The following GLIS3 variants were observed in gnomAD, a reference collection of about 807,000 sequenced individuals.
GLIS3 encodes the protein zinc finger protein GLIS3.
A neutral mutation model predicts 78.6 loss-of-function variants in GLIS3; 53 were observed. The observed-to-expected ratio is 0.67, with a 90% confidence interval of 0.54 to 0.85. The LOEUF (loss-of-function observed/expected upper bound fraction) is 0.85. Ranked by LOEUF, GLIS3 falls within the 40% of genes least tolerant of loss-of-function variation. The probability of loss-of-function intolerance (pLI) is 0.00; values close to 1 mark genes in which losing one functional copy is unlikely to be tolerated. For synonymous variants in GLIS3, 684 were observed against 509.9 expected (o/e 1.34, Z -4.60); for missense variants, 1,703 against 1,231.1 (o/e 1.38, Z -5.74).
chr9:4,422,530 T>C, the GLIS3 span, among the ~76,000 whole-genome samples: 1 of 152,308 alleles, frequency 6.6e-6, no homozygotes, highest in Admixed American at 6.5e-5. Flanking sequence ...CTGGAAAATA[T>C]CACATTCTGC....
the GLIS3 span, among the ~76,000 whole-genome samples, chr9:4,450,864 A>T: frequency 6.6e-6 from 1 of 152,210 alleles, no homozygotes; most frequent in Admixed American, 6.5e-5. Context: ...AAACATGGAA[A>T]CAAACAACTG....
intron 4 of GLIS3, among the ~76,000 whole-genome samples, chr9:3,996,645 TAACC>T: frequency 6.6e-6 from 1 of 152,160 alleles, no homozygotes; most frequent in East Asian, 1.9e-4. Flanking sequence ...ACTGCAAAAC[TAACC>T]TGAAATAGTA....
chr9:4,106,365 C>G (rs895460486), intron 4 of GLIS3, among the ~76,000 whole-genome samples: 17 of 152,032 alleles, frequency 1.1e-4, no homozygotes, highest in African/African-American at 3.6e-4. Context: ...CTTCATTTTC[C>G]TAAAACACTT....
At chr9:4,059,176 A>T (rs1437182673) in intron 4 of GLIS3, among the ~76,000 whole-genome samples, 1 of 152,144 alleles carries the variant, frequency 6.6e-6, no homozygotes, top group Non-Finnish European at 1.5e-5. Flanking sequence ...ACCTTTTGGC[A>T]AGTCTTGAGA....
the GLIS3 span, among the ~76,000 whole-genome samples, chr9:4,468,285 T>C: frequency 3.9e-4 from 60 of 152,198 alleles, no homozygotes; most frequent in Admixed American, 3.9e-3. Context: ...ATACAGAGAA[T>C]GCCACAAAGA....
intron 4 of GLIS3, among the ~76,000 whole-genome samples, chr9:3,993,462 A>G (rs1325763802): frequency 2.6e-5 from 4 of 152,202 alleles, no homozygotes; most frequent in Non-Finnish European, 5.9e-5. Context: ...CATATAGACA[A>G]TTTAGAAATA....
intron 2 of GLIS3, among the ~76,000 whole-genome samples, chr9:4,283,051 C>T (rs1191537850): frequency 1.3e-5 from 2 of 151,196 alleles, no homozygotes; most frequent in Non-Finnish European, 2.9e-5. Context: ...AGAATAAGTC[C>T]CAGACAACCC....
intron 6 of GLIS3, among the ~76,000 whole-genome samples, chr9:3,926,207 G>A (rs1364116990): frequency 8.6e-5 from 13 of 151,502 alleles, no homozygotes; most frequent in Non-Finnish European, 1.9e-4. Context: ...GTACAGTATT[G>A]CGACTAAAGC....
the GLIS3 span, among the ~76,000 whole-genome samples, chr9:4,394,500 C>T: frequency 3.3e-5 from 5 of 151,992 alleles, no homozygotes; most frequent in Non-Finnish European, 5.9e-5. Context: ...ACAACAAGCA[C>T]GGGAAACCTG....
chr9:4,465,367 G>T, the GLIS3 span, among the ~76,000 whole-genome samples: 1 of 152,214 alleles, frequency 6.6e-6, no homozygotes, highest in Non-Finnish European at 1.5e-5. Flanking sequence ...GGCCAACGTG[G>T]TGAAACCACA....
intron 4 of GLIS3, among the ~76,000 whole-genome samples, chr9:4,057,592 A>G (rs954462552): frequency 1.3e-5 from 2 of 152,186 alleles, no homozygotes; most frequent in African/African-American, 4.8e-5. Context: ...AGCACAATGT[A>G]AAGTCACATT....
At chr9:4,470,911 G>A in the GLIS3 span, among the ~76,000 whole-genome samples, 4 of 152,014 alleles carry the variant, frequency 2.6e-5, no homozygotes, top group Non-Finnish European at 4.4e-5. Context: ...CAAAGTCTCA[G>A]GATACAAAAA....
intron 4 of GLIS3, among the ~76,000 whole-genome samples, chr9:4,031,933 T>C (rs1292611053): frequency 6.6e-6 from 1 of 152,206 alleles, no homozygotes; most frequent in Non-Finnish European, 1.5e-5. Flanking sequence ...GCCTAGACTC[T>C]GGCTAGCCAG....
At chr9:4,159,988 A>G (rs886723821) in intron 2 of GLIS3, among the ~76,000 whole-genome samples, 2 of 152,228 alleles carry the variant, frequency 1.3e-5, no homozygotes, top group Admixed American at 6.5e-5. Context: ...TAATATCATC[A>G]TTGTGATCAT....
At chr9:4,420,339 A>G in the GLIS3 span, among the ~76,000 whole-genome samples, 2 of 152,192 alleles carry the variant, frequency 1.3e-5, no homozygotes, top group African/African-American at 4.8e-5. Flanking sequence ...GCCATATTCT[A>G]TTACCTTGAG....
intron 2 of GLIS3, among the ~76,000 whole-genome samples, chr9:4,239,022 A>T (rs1014242681): frequency 6.5e-4 from 99 of 151,840 alleles, no homozygotes; most frequent in African/African-American, 2.3e-3. Context: ...TGAACTCATC[A>T]TTTTTTATGG....
intron 2 of GLIS3, among the ~76,000 whole-genome samples, chr9:4,272,494 C>T (rs543689607): frequency 7.2e-5 from 11 of 152,214 alleles, no homozygotes; most frequent in Admixed American, 5.9e-4. Context: ...TGTGCTTGGG[C>T]AAGTTTCTTA....
intron 2 of GLIS3, among the ~76,000 whole-genome samples, chr9:4,170,671 C>T (rs1475059): frequency 0.38 from 57,146 of 151,788 alleles, 12,497 homozygotes; most frequent in East Asian, 0.65. Context: ...ACGAAATGTA[C>T]GGTGGAACTC....
intron 2 of GLIS3, among the ~76,000 whole-genome samples, chr9:4,241,790 C>G (rs1241127713): frequency 1.3e-5 from 2 of 152,074 alleles, no homozygotes; most frequent in Non-Finnish European, 2.9e-5. Flanking sequence ...TCAAGTGATT[C>G]TCATTTCTCA....
Sources: allele counts gnomAD v4.1 joint callset (sites outside exome capture counted in the v4.1 genomes callset), GRCh38; gene constraint gnomAD v4.1.1; transcripts MANE v1.5; gene names NCBI Gene and HGNC (gene_info 2026-07-23, HGNC 2026-07-21).